NOL4: variants seen among roughly 807,000 people sequenced by gnomAD.
NOL4 encodes nucleolar protein 4.
NOL4 carries 17 observed loss-of-function variants against 75.9 expected under a neutral mutation model. The ratio of observed to expected loss-of-function variants is 0.22; its 90% CI spans 0.15 to 0.34. NOL4 has a LOEUF of 0.34. NOL4 is among the 10% of genes least tolerant of loss of function. The pLI is 1.00. For synonymous variants in NOL4, 292 were observed against 289.9 expected (o/e 1.01, Z -0.07); for missense variants, 614 against 793.5 (o/e 0.77, Z 2.72).
chr18:34,100,222 A>C (rs112658790), intron 4 of NOL4, among the ~76,000 whole-genome samples: 2 of 152,138 alleles, frequency 1.3e-5, no homozygotes, highest in Non-Finnish European at 1.5e-5. Context: ...TTGCTTCATC[A>C]ATTCTCCTTC....
intron 5 of NOL4, among the ~76,000 whole-genome samples, chr18:34,071,500 TATA>T (rs1419843833): frequency 1.3e-5 from 2 of 151,738 alleles, no homozygotes; most frequent in Non-Finnish European, 2.9e-5. Flanking sequence ...TGGTTCAGTT[TATA>T]ATGTTTTGAC....
intron 1 of NOL4, among the ~76,000 whole-genome samples, chr18:34,190,052 T>C (rs1418368003): frequency 6.8e-6 from 1 of 145,988 alleles, no homozygotes; most frequent in Non-Finnish European, 1.5e-5. Context: ...ATATATTACT[T>C]ATTTTATATC....
At chr18:33,853,881 C>T (rs1438087013) in intron 10 of NOL4, among the ~76,000 whole-genome samples, 1 of 151,974 alleles carries the variant, frequency 6.6e-6, no homozygotes, top group African/African-American at 2.4e-5. Context: ...TAAATTTTTA[C>T]TTAAAAAGTA....
At chr18:33,900,782 A>G (rs1428966402) in intron 9 of NOL4, among the ~76,000 whole-genome samples, 1 of 152,198 alleles carries the variant, frequency 6.6e-6, no homozygotes, top group Non-Finnish European at 1.5e-5. Context: ...GGCCAGCGAA[A>G]GTACCAAATG....
At chr18:34,167,558 A>AGATAGATAGATAGATAGATG (rs1242693026) in intron 1 of NOL4, among the ~76,000 whole-genome samples, 1 of 152,094 alleles carries the variant, frequency 6.6e-6, no homozygotes, top group African/African-American at 2.4e-5. Context: ...ATAGATAGAT[A>AGATAGATAGATAGATAGATG]GATAGACAGA....
chr18:34,138,280 T>C (rs568545528), intron 1 of NOL4, among the ~76,000 whole-genome samples: 1 of 152,204 alleles, frequency 6.6e-6, no homozygotes, highest in African/African-American at 2.4e-5. Context: ...CACATGCCTG[T>C]AGTCCCAGAT....
intron 5 of NOL4, among the ~76,000 whole-genome samples, chr18:34,032,474 C>T (rs2075686140): frequency 6.6e-6 from 1 of 152,184 alleles, no homozygotes; most frequent in Non-Finnish European, 1.5e-5. Flanking sequence ...TCCACCACCA[C>T]TGCACATGAA....
intron 5 of NOL4, among the ~76,000 whole-genome samples, chr18:34,065,994 G>A (rs1192927265): frequency 1.3e-5 from 2 of 151,868 alleles, no homozygotes; most frequent in South Asian, 4.1e-4. Flanking sequence ...TATCTGTATA[G>A]CTTTTCAAAA....
At chr18:33,975,221 T>C (rs959535064) in intron 6 of NOL4, among the ~76,000 whole-genome samples, 5 of 152,206 alleles carry the variant, frequency 3.3e-5, no homozygotes, top group African/African-American at 1.2e-4. Flanking sequence ...TTCTGCAAGA[T>C]GAAAAGGTTC....
chr18:34,097,452 G>A (rs552297981), intron 4 of NOL4, among the ~76,000 whole-genome samples: 11 of 152,258 alleles, frequency 7.2e-5, no homozygotes, highest in African/African-American at 1.9e-4. Flanking sequence ...CCTGCAACAT[G>A]TAGCTCAATG....
intron 5 of NOL4, among the ~76,000 whole-genome samples, chr18:34,064,152 A>G (rs1199302726): frequency 6.6e-6 from 1 of 152,078 alleles, no homozygotes; most frequent in Non-Finnish European, 1.5e-5. Context: ...TGACTCGTTT[A>G]TTGGTGCAAG....
chr18:33,978,370 G>A (rs571246257), intron 6 of NOL4, among the ~76,000 whole-genome samples: 1 of 152,238 alleles, frequency 6.6e-6, no homozygotes, highest in East Asian at 1.9e-4. Context: ...GGTGTCAAGA[G>A]AAAGAGCTAG....
chr18:34,054,307 C>T (rs555925940), intron 5 of NOL4, among the ~76,000 whole-genome samples: 2 of 151,914 alleles, frequency 1.3e-5, no homozygotes, highest in South Asian at 4.1e-4. Context: ...GTATTGAAGT[C>T]TCCTACTATT....
intron 10 of NOL4, among the ~76,000 whole-genome samples, chr18:33,876,741 T>C (rs1163593297): frequency 6.6e-6 from 1 of 152,036 alleles, no homozygotes; most frequent in Non-Finnish European, 1.5e-5. Context: ...ATAAAGGACA[T>C]TGTGGGCCCA....
At chr18:34,100,731 T>C (rs1347102408) in intron 4 of NOL4, among the ~76,000 whole-genome samples, 2 of 152,140 alleles carry the variant, frequency 1.3e-5, no homozygotes, top group Non-Finnish European at 2.9e-5. Context: ...ACTCACTACC[T>C]TGGTAGTATC....
At chr18:33,890,220 C>G (rs1265757773) in intron 9 of NOL4, among the ~76,000 whole-genome samples, 1 of 152,144 alleles carries the variant, frequency 6.6e-6, no homozygotes, top group Non-Finnish European at 1.5e-5. Flanking sequence ...GCAAAAATCA[C>G]AAGCATTCCT....
intron 9 of NOL4, among the ~76,000 whole-genome samples, chr18:33,941,226 G>C (rs926054972): frequency 6.6e-6 from 1 of 151,980 alleles, no homozygotes; most frequent in Non-Finnish European, 1.5e-5. Flanking sequence ...GTATTTAAGT[G>C]ACTGGATCAA....
Position 34,223,267 on chromosome 18 carries a change from G to C in NOL4, c.-14C>G. ...CTCGCTCTCCATGTTCCCCGCGCTC[G>C]GCCGCTGGCCGGATGCTCCCAGCGC... On this transcript the variant is annotated 5_prime_UTR_variant, in exon 1 of 11. Transcript: ENST00000261592. 1.2e-6 allele frequency: 2 copies of C among 1,611,402 alleles called. No individual in the cohort carries two copies. Among genetic ancestry groups the C allele is most frequent in the East Asian group, 2.2e-5 (1 of 44,822 alleles).
At chr18:34,191,691 T>C (rs539828328) in intron 1 of NOL4, among the ~76,000 whole-genome samples, 6 of 152,264 alleles carry the variant, frequency 3.9e-5, no homozygotes, top group Non-Finnish European at 7.4e-5. Context: ...CAAAAGACTT[T>C]CCCTTAGCTC....
Sources: allele counts gnomAD v4.1 joint callset (sites outside exome capture counted in the v4.1 genomes callset), GRCh38; gene constraint gnomAD v4.1.1; transcripts MANE v1.5; gene names NCBI Gene and HGNC (gene_info 2026-07-23, HGNC 2026-07-21).